Variants in BCAS3 observed in about 807,000 individuals in gnomAD.
BCAS3 encodes the protein BCAS4/BCAS3 fusion.
BCAS3 carries 53 observed loss-of-function variants against 116.1 expected under a neutral mutation model. The ratio of observed to expected loss-of-function variants is 0.46; its 90% CI spans 0.37 to 0.57. The LOEUF is 0.57. Ranked by LOEUF, BCAS3 falls within the 20% of genes least tolerant of loss-of-function variation. The pLI is 0.00. For synonymous variants in BCAS3, 391 were observed against 408.2 expected (o/e 0.96, Z 0.51); for missense variants, 917 against 1,165.4 (o/e 0.79, Z 3.10).
intron 22 of BCAS3, among the ~76,000 whole-genome samples, chr17:61,157,292 G>A (rs554644478): frequency 6.6e-6 from 1 of 152,256 alleles, no homozygotes; most frequent in Non-Finnish European, 1.5e-5. Flanking sequence ...GTATAAAAAT[G>A]TCTTTTATCT....
Position 61,276,268 on chromosome 17 carries a change from G to A in BCAS3, c.2426-92059G>A, listed in dbSNP as rs1056954347. Among the ~76,000 whole-genome samples the A allele has an allele frequency of 1.4e-4, 22 of 151,998 alleles. No individual in the cohort carries two copies. The highest frequency in any genetic ancestry group is 5.1e-4 in the African/African-American group (21 of 41,382). ...CTTGGGAGAGTGAGGCAGGAGAATC[G>A]CTTGAACCTGGGAGGCAGAGGTTGC... On this transcript the variant is annotated intron_variant, in intron 22 of 23. Coordinates refer to ENST00000407086, the MANE Select transcript of BCAS3 (RefSeq NM_017679.5). This position sits in a 1 kb window ranked among gnomAD's most constrained non-coding sequence, Gnocchi z 4.2.
chr17:61,070,010 G>A (rs1333913650), intron 19 of BCAS3: 34 of 1,594,514 alleles, frequency 2.1e-5, no homozygotes, highest in Non-Finnish European at 2.7e-5. Flanking sequence ...CCCACCTTCC[G>A]GCAGCCGAAG....
intron 6 of BCAS3, among the ~76,000 whole-genome samples, chr17:60,770,473 C>T (rs1211535702): frequency 1.6e-5 from 2 of 122,798 alleles, no homozygotes; most frequent in African/African-American, 6.0e-5. Context: ...GGCTGGAGTG[C>T]AGTGGCGTGA....
chr17:61,292,176 G>A (rs1322630272), intron 22 of BCAS3, among the ~76,000 whole-genome samples: 1 of 151,964 alleles, frequency 6.6e-6, no homozygotes. Context: ...ACCCACCCAC[G>A]CCTTCAGGGG....
rs747133154 is a variant in BCAS3 at position 60,964,250 on chromosome 17, G to A, written c.1221+16898G>A. Among the ~76,000 whole-genome samples the A allele has an allele frequency of 5.9e-5, 9 of 152,070 alleles. No homozygotes were observed. Among genetic ancestry groups the A allele is most frequent in the Non-Finnish European group, 1.0e-4 (7 of 68,018 alleles). The stretch of plus-strand genomic sequence containing the variant: ...ATTAGGGGTTTTTTTATATCATAAA[G>A]GATGTTGAATTTTATAAAATACTTT... On this transcript the variant is annotated intron_variant, in intron 14 of 23. Transcript: ENST00000407086. The surrounding 1 kb of genome is among the most constrained non-coding windows in gnomAD (Gnocchi z 4.6).
At chr17:60,810,920 T>A in intron 7 of BCAS3, 1 of 695,324 alleles carries the variant, frequency 1.4e-6, no homozygotes, top group Non-Finnish European at 2.6e-6. Context: ...ATGGCAGACA[T>A]CTGGGCCCAA....
At chr17:61,304,795 C>T (rs1183383390) in intron 22 of BCAS3, among the ~76,000 whole-genome samples, 1 of 151,888 alleles carries the variant, frequency 6.6e-6, no homozygotes, top group Non-Finnish European at 1.5e-5. Context: ...CTCTTGTCGC[C>T]CAGGTTGGAG....
intron 6 of BCAS3, among the ~76,000 whole-genome samples, chr17:60,799,936 CT>C (rs2047617938): frequency 6.6e-6 from 1 of 151,642 alleles, no homozygotes; most frequent in Non-Finnish European, 1.5e-5. Context: ...TAGTTAATTC[CT>C]TTTTAATTTC....
intron 22 of BCAS3, among the ~76,000 whole-genome samples, chr17:61,155,912 A>T (rs1380263944): frequency 6.6e-6 from 1 of 152,192 alleles, no homozygotes; most frequent in Non-Finnish European, 1.5e-5. Flanking sequence ...TCAGCCACAG[A>T]GCATCCTGCT....
chr17:61,217,726 A>G lies in BCAS3; in HGVS notation c.2425+133162A>G, dbSNP rs1015090596. Among the ~76,000 whole-genome samples the G allele has an allele frequency of 6.6e-6, 1 of 152,202 alleles. No individual in the cohort carries two copies. The highest frequency in any genetic ancestry group is 1.5e-5 in the Non-Finnish European group (1 of 68,036). On this transcript the variant is annotated intron_variant, in intron 22 of 23. Transcript: ENST00000407086. This position sits in a 1 kb window ranked among gnomAD's most constrained non-coding sequence, Gnocchi z 5.2. ...TGACTAGTTGATTTTCTTGAGAAAC[A>G]TTATTCTTGATCCCGTAACATCCCA...
At position 61,326,843 on chromosome 17, in the gene BCAS3, G is replaced by A. The variant is rs972846480; in HGVS notation, c.2426-41484G>A. Among the ~76,000 whole-genome samples the A allele has an allele frequency of 1.3e-5, 2 of 152,108 alleles. No homozygotes were observed. Among genetic ancestry groups the A allele is most frequent in the African/African-American group, 2.4e-5 (1 of 41,436 alleles). The stretch of plus-strand genomic sequence containing the variant: ...GTTTCCTTAGGAAAGAATGGGGAGA[G>A]AAGAATGGGAGGTGATAAAAAGATG... On this transcript the variant is annotated intron_variant, in intron 22 of 23. Transcript: ENST00000407086. The surrounding 1 kb of genome is among the most constrained non-coding windows in gnomAD (Gnocchi z 5.3).
At chr17:61,272,680 A>C (rs1271161297) in intron 22 of BCAS3, among the ~76,000 whole-genome samples, 4 of 143,302 alleles carry the variant, frequency 2.8e-5, no homozygotes, top group African/African-American at 7.7e-5. Flanking sequence ...AATTTTGATC[A>C]TCTCTCCTCA....
intron 22 of BCAS3, among the ~76,000 whole-genome samples, chr17:61,257,012 A>G (rs1272857532): frequency 6.6e-6 from 1 of 152,194 alleles, no homozygotes; most frequent in African/African-American, 2.4e-5. Flanking sequence ...TTTTATTTAC[A>G]CAGCATTTCC....
chr17:60,810,448 C>G, intron 7 of BCAS3: 1 of 622,530 alleles, frequency 1.6e-6, no homozygotes, highest in East Asian at 3.4e-5. Context: ...GGCCTCCTGC[C>G]TGGACAGAGC....
chr17:60,980,140 T>C (rs2062704422), intron 14 of BCAS3, among the ~76,000 whole-genome samples: 1 of 152,118 alleles, frequency 6.6e-6, no homozygotes, highest in African/African-American at 2.4e-5. Flanking sequence ...CTCTTTTTGG[T>C]TGGTAAGCTA....
chr17:60,867,376 G>A (rs1221891143), intron 7 of BCAS3, among the ~76,000 whole-genome samples: 1 of 151,812 alleles, frequency 6.6e-6, no homozygotes, highest in African/African-American at 2.4e-5. Flanking sequence ...AAAGTGCTGG[G>A]GTTACAGACG....
At chr17:60,710,727 G>A (rs1291358263) in intron 5 of BCAS3, among the ~76,000 whole-genome samples, 2 of 150,582 alleles carry the variant, frequency 1.3e-5, no homozygotes, top group Non-Finnish European at 2.9e-5. Context: ...CACCATGCCT[G>A]GCCAACATTT....
chr17:61,114,108 T>C (rs1440070507), intron 22 of BCAS3, among the ~76,000 whole-genome samples: 1 of 148,060 alleles, frequency 6.8e-6, no homozygotes, highest in Non-Finnish European at 1.5e-5. Context: ...AAGAGCTATC[T>C]ATGACAAACC....
intron 22 of BCAS3, among the ~76,000 whole-genome samples, chr17:61,264,977 C>T (rs575453706): frequency 6.6e-6 from 1 of 152,304 alleles, no homozygotes; most frequent in East Asian, 1.9e-4. Flanking sequence ...AGAGAAATTG[C>T]CCTGTGTGGT....
Sources: allele counts gnomAD v4.1 joint callset (sites outside exome capture counted in the v4.1 genomes callset), GRCh38; gene constraint gnomAD v4.1.1; non-coding constraint Gnocchi (gnomAD v3.1); transcripts MANE v1.5; gene names NCBI Gene and HGNC (gene_info 2026-07-23, HGNC 2026-07-21).